ARID1A: variants seen among roughly 807,000 people sequenced by gnomAD.
ARID1A encodes AT-rich interactive domain-containing protein 1A.
A neutral mutation model predicts 212.6 loss-of-function variants in ARID1A; 20 were observed. That is an observed-to-expected ratio of 0.09 (90% CI 0.07 to 0.14). The LOEUF is 0.14. ARID1A is among the 10% of genes least tolerant of loss of function. ARID1A has a pLI of 1.00. For synonymous variants in ARID1A, 1,376 were observed against 1,222.1 expected (o/e 1.13, Z -2.63); for missense variants, 2,587 against 3,059.0 (o/e 0.85, Z 3.64).
In ARID1A at chr1:26,780,877, C is replaced by G; in HGVS notation, c.*121C>G. On this transcript the variant is annotated 3_prime_UTR_variant, in exon 20 of 20. Transcript: ENST00000324856. The surrounding 1 kb of genome is among the most constrained non-coding windows in gnomAD (Gnocchi z 7.2). ...ATCCAGTTTACCCTGTGCTGTCCAG[C>G]TTCTCCCTTGGGAAAAAGTCTCTCC... is the stretch of plus-strand genomic sequence containing the variant. The G allele has an allele frequency of 7.3e-7, 1 of 1,378,526 alleles. No individual in the cohort carries two copies. Among genetic ancestry groups the G allele is most frequent in the African/African-American group, 1.4e-5 (1 of 69,084 alleles). 85.4% of individuals were successfully genotyped at this position (1,378,526 alleles called of 1,614,324 possible).
At chr1:26,744,391 C>G (rs879639966) in intron 4 of ARID1A, among the ~76,000 whole-genome samples, 2 of 152,322 alleles carry the variant, frequency 1.3e-5, no homozygotes, top group Admixed American at 1.3e-4. Context: ...TCGGAACAGC[C>G]TCAATCTTTG....
chr1:26,763,012 A>T lies in ARID1A; in HGVS notation c.2459A>T (p.Asn820Ile), dbSNP rs773242876. The T allele has an allele frequency of 6.2e-7, 1 of 1,608,850 alleles. No homozygotes were observed. The highest frequency in any genetic ancestry group is 8.5e-7 in the Non-Finnish European group (1 of 1,175,572). ...PRQPNYNALP[N>I]ANYPSAGMAG... ...CAGCCAAACTATAATGCCTTGCCCA[A>T]TGCCAACTACCCCAGTGCAGGCATG... The change falls in exon 8 of 20, where the codon AAT becomes ATT. Residue 820 changes from asparagine (N) to isoleucine (I), a missense_variant. Around this residue, in one of 11 missense-constraint regions of ARID1A, gnomAD observed 674 missense variants for 813.4 expected, o/e 0.83. Transcript: ENST00000324856.
chr1:26,772,733 C>A (rs2081094876), intron 13 of ARID1A, 79 bp from the exon 14 acceptor site: 1 of 1,605,756 alleles, frequency 6.2e-7, no homozygotes, highest in Middle Eastern at 1.7e-4. Context: ...GCCTTCCCAG[C>A]CAGTGACTCC....
chr1:26,697,114 C>T lies in ARID1A; in HGVS notation c.711C>T (p.Gly237=), dbSNP rs1043581037. 1 of 1,450,742 alleles carries T rather than the reference C, an allele frequency of 6.9e-7. No individual in the cohort carries two copies. Among genetic ancestry groups the T allele is most frequent in the African/African-American group, 1.5e-5 (1 of 67,012 alleles). 89.9% of individuals were successfully genotyped at this position (1,450,742 alleles called of 1,614,324 possible). A position where few individuals can be genotyped will look rare whatever the true frequency, so the allele number is the denominator to read the frequency against. ...ACGCGCTGAGCTCCCCGAGAGGTGG[C>T]ACTCCGGGCTCCGGCGCGGCGGCGG... ...PAYALSSPRG[G]TPGSGAAAAA... Residue 237 remains glycine, a synonymous_variant, in exon 1 of 20, where the codon GGC becomes GGT. Coordinates refer to ENST00000324856, the MANE Select transcript of ARID1A (RefSeq NM_006015.6).
rs1217715911 is a variant in ARID1A, at chr1:26,763,129, G to C, written c.2576G>C (p.Ser859Thr). The C allele has an allele frequency of 1.2e-6, 2 of 1,614,258 alleles. No individual in the cohort carries two copies. The highest frequency in any genetic ancestry group is 1.7e-6 in the Non-Finnish European group (2 of 1,180,046). Residue 859 changes from serine to threonine, a missense_variant, in exon 8 of 20, where the codon AGT (serine) becomes ACT (threonine). Physicochemically the swap from Ser to Thr is moderately conservative, Grantham distance 58. This residue lies in a region of ARID1A where 674 missense variants were observed against 813.4 expected (regional missense o/e 0.83). Coordinates refer to ENST00000324856, the MANE Select transcript of ARID1A (RefSeq NM_006015.6). ...GGCACACTCCCTCCAGGGAGGATGAGTCACGCCTCCATGGGCAACCGGCCT... is the reference window on the plus strand; with the variant it reads ...GGCACACTCCCTCCAGGGAGGATGACTCACGCCTCCATGGGCAACCGGCCT... ...PYGTLPPGRM[S>T]HASMGNRPYG...
At position 26,697,102 on chromosome 1, in the gene ARID1A, C is replaced by T. The variant is rs2124743151; in HGVS notation, c.699C>T (p.Ser233=). ...PPPAPAYALS[S]PRGGTPGSGA... is the part of the protein sequence containing the mutation. ...CCGCCCCGGCCTACGCGCTGAGCTC[C>T]CCGAGAGGTGGCACTCCGGGCTCCG... Residue 233 remains serine, a synonymous_variant, in exon 1 of 20, where the codon TCC becomes TCT. Coordinates refer to ENST00000324856, the MANE Select transcript of ARID1A (RefSeq NM_006015.6). The T allele has an allele frequency of 6.8e-7, 1 of 1,466,076 alleles. No homozygotes were observed. Among genetic ancestry groups the T allele is most frequent in the Non-Finnish European group, 9.0e-7 (1 of 1,113,326 alleles). 90.8% of individuals were successfully genotyped at this position (1,466,076 alleles called of 1,614,324 possible). A position where few individuals can be genotyped will look rare whatever the true frequency, so the allele number is the denominator to read the frequency against.
rs780387049 is a variant in ARID1A, at chr1:26,779,470, C to G, written c.5572C>G (p.His1858Asp). ...GGACACCACTGAGCATATCCAGACCCACTTCGAGAGCAAGACAGAGCTGCT... is the reference window on the plus strand; with the variant it reads ...GGACACCACTGAGCATATCCAGACCGACTTCGAGAGCAAGACAGAGCTGCT... ...GGDTTEHIQT[H>D]FESKTELLPS... The change falls in exon 20 of 20, where the codon CAC becomes GAC. Residue 1858 changes from histidine to aspartate, a missense_variant. Physicochemically the swap from His to Asp is moderately conservative, Grantham distance 81. This residue lies in a region of ARID1A where 890 missense variants were observed against 1,098.2 expected (regional missense o/e 0.81). Coordinates refer to ENST00000324856, the MANE Select transcript of ARID1A (RefSeq NM_006015.6). 6.2e-7 allele frequency: 1 copy of G among 1,614,154 alleles called. No homozygotes were observed. Among genetic ancestry groups the G allele is most frequent in the East Asian group, 2.2e-5 (1 of 44,862 alleles).
rs762698084 is a variant in ARID1A at position 26,780,559 on chromosome 1, C to A, written c.6661C>A (p.Pro2221Thr). The change falls in exon 20 of 20, where the codon CCA (proline) becomes ACA (threonine). Residue 2221 changes from proline to threonine, a missense_variant. Physicochemically the swap from Pro to Thr is conservative, Grantham distance 38. Transcript: ENST00000324856. The surrounding 1 kb of genome is among the most constrained non-coding windows in gnomAD (Gnocchi z 7.2). ...SQASLLHMQN[P>T]PFEPTSVDMM... ...GGCCAGCCTCCTCCACATGCAGAAC[C>A]CACCCTTTGAGCCAACTAGTGTGGA... is the stretch of plus-strand genomic sequence containing the variant. 2.5e-6 allele frequency: 4 copies of A among 1,614,124 alleles called. No individual in the cohort carries two copies. The highest frequency in any genetic ancestry group is 3.4e-6 in the Non-Finnish European group (4 of 1,179,948).
chr1:26,744,544 G>C (rs2124805600), intron 4 of ARID1A, among the ~76,000 whole-genome samples: 1 of 152,308 alleles, frequency 6.6e-6, no homozygotes, highest in Admixed American at 6.5e-5. Flanking sequence ...CCCTGCTGTA[G>C]GAAGTTAAGT....
Position 26,773,101 on chromosome 1 carries a change from C to G in ARID1A, c.3715+114C>G, listed in dbSNP as rs1003610106. On this transcript the variant is annotated intron_variant, in intron 14 of 19. Coordinates refer to ENST00000324856, the MANE Select transcript of ARID1A (RefSeq NM_006015.6). ...TGTGGAGCCATCCTCTGAGATAATG[C>G]ATTTCCTGCCCTAACTACCCCTCTT... The G allele has an allele frequency of 4.3e-6, 6 of 1,406,422 alleles. No homozygotes were observed. The Admixed American group carries it at 9.4e-5, about 22-fold the overall frequency. 87.1% of individuals were successfully genotyped at this position (1,406,422 alleles called of 1,614,324 possible).
chr1:26,703,468 C>T (rs2080357418), intron 1 of ARID1A, among the ~76,000 whole-genome samples: 1 of 152,134 alleles, frequency 6.6e-6, no homozygotes, highest in Non-Finnish European at 1.5e-5. Context: ...GTGTTTTTTA[C>T]ACCAGAGTCC....
chr1:26,731,698 C>G (rs1330525331), intron 3 of ARID1A, 94 bp downstream of exon 3: 4 of 1,355,148 alleles, frequency 3.0e-6, no homozygotes, highest in Non-Finnish European at 4.1e-6. Context: ...GAGTGGTTCT[C>G]TAACGTGCAC....
chr1:26,774,052 T>G lies in ARID1A; in HGVS notation c.4101+154T>G, dbSNP rs2081110867. ...GGCCAGTCCTGCCTGAAGAGCCACG[T>G]CCTCAATCTCTTCTCTATTTGGAGT... is the stretch of plus-strand genomic sequence containing the variant. On this transcript the variant is annotated intron_variant, in intron 17 of 19. Coordinates refer to ENST00000324856, the MANE Select transcript of ARID1A (RefSeq NM_006015.6). This position sits in a 1 kb window ranked among gnomAD's most constrained non-coding sequence, Gnocchi z 5.6. 1 of 1,089,890 alleles carries G rather than the reference T, an allele frequency of 9.2e-7. No individual in the cohort carries two copies. Among genetic ancestry groups the G allele is most frequent in the Non-Finnish European group, 1.3e-6 (1 of 764,904 alleles). The allele number at this position is 1,089,890 out of a possible 1,614,324, so 67.5% of individuals were successfully genotyped here. A position where few individuals can be genotyped will look rare whatever the true frequency, so the allele number is the denominator to read the frequency against.
intron 11 of ARID1A, among the ~76,000 whole-genome samples, chr1:26,768,395 A>C (rs1292817471): frequency 6.6e-6 from 1 of 152,140 alleles, no homozygotes; most frequent in African/African-American, 2.4e-5. Flanking sequence ...ACCACTCTGA[A>C]CCTTAATTTC....
chr1:26,721,240 CTCACTCTG>C (rs2080561669), intron 1 of ARID1A, among the ~76,000 whole-genome samples: 2 of 151,980 alleles, frequency 1.3e-5, no homozygotes, highest in African/African-American at 4.8e-5. Flanking sequence ...GAGACCGAGT[CTCACTCTG>C]TCACCCAGGC....
intron 1 of ARID1A, among the ~76,000 whole-genome samples, chr1:26,715,560 T>C (rs570139385): frequency 6.6e-6 from 1 of 152,332 alleles, no homozygotes; most frequent in South Asian, 2.1e-4. Context: ...TTTTTGAGCA[T>C]ATATTGGGAT....
rs1413267719 is a variant in ARID1A at position 26,696,677 on chromosome 1, G to A, written c.274G>A (p.Gly92Ser). Residue 92 changes from glycine to serine, a missense_variant, in exon 1 of 20, where the codon GGC (glycine) becomes AGC (serine). By Grantham distance (56) the Gly-to-Ser change is moderately conservative. Transcript: ENST00000324856. ...GGGGGGAGSG[G>S]GPGAEPDLKN... ...CGGCGGCGGCGGAGCCGGCAGCGGC[G>A]GCGGGCCCGGCGCGGAGCCGGACCT... The A allele has an allele frequency of 1.5e-6, 2 of 1,324,542 alleles. No individual in the cohort carries two copies. The highest frequency in any genetic ancestry group is 4.3e-5 in the South Asian group (2 of 46,952). 82.0% of individuals were successfully genotyped at this position (1,324,542 alleles called of 1,614,324 possible).
chr1:26,698,821 G>A (rs1229654183), intron 1 of ARID1A, among the ~76,000 whole-genome samples: 2 of 152,132 alleles, frequency 1.3e-5, no homozygotes, highest in South Asian at 2.1e-4. Context: ...ATCTTTATGG[G>A]GGGCCAGAAA....
At chr1:26,744,147 T>C (rs985224619) in intron 4 of ARID1A, among the ~76,000 whole-genome samples, 3 of 152,162 alleles carry the variant, frequency 2.0e-5, no homozygotes, top group Non-Finnish European at 4.4e-5. Context: ...CCATCCCTTC[T>C]CTAGAACGCT....
Sources: allele counts gnomAD v4.1 joint callset (sites outside exome capture counted in the v4.1 genomes callset), GRCh38; gene constraint gnomAD v4.1.1; regional missense constraint gnomAD v4.1.1; non-coding constraint Gnocchi (gnomAD v3.1); transcripts MANE v1.5; gene names NCBI Gene and HGNC (gene_info 2026-07-23, HGNC 2026-07-21).